Variants in SPATA31C1 observed in about 807,000 individuals in gnomAD.
SPATA31C1 encodes SPATA31 subfamily C member 1.
In SPATA31C1 at chr9:87,922,166, G is replaced by A. The variant is rs1828892631; in HGVS notation, n.2556G>A. On this transcript the variant is annotated non_coding_transcript_exon_variant, in exon 5 of 5. Transcript: ENST00000420021. ...AGCAGTTCCAGAGGGCCCCGCGAGG[G>A]ATCCCATCTTCAAATGATCATGGGT... The A allele has an allele frequency of 2.5e-6, 4 of 1,613,264 alleles. No homozygotes were observed. In the East Asian group the frequency reaches 6.7e-5, roughly 27 times the overall value.
exon 5 of SPATA31C1, chr9:87,921,543 C>G: frequency 6.2e-7 from 1 of 1,611,992 alleles, no homozygotes; most frequent in Non-Finnish European, 8.5e-7. Context: ...AGGGAAGGTT[C>G]TGGGGGCGAC....
In SPATA31C1 at chr9:87,921,421, G is replaced by A. The variant is rs764784701; in HGVS notation, n.1811G>A. 5.6e-6 allele frequency: 9 copies of A among 1,611,670 alleles called. No individual in the cohort carries two copies. In the African/African-American group the frequency reaches 9.4e-5, roughly 17 times the overall value. On this transcript the variant is annotated non_coding_transcript_exon_variant, in exon 5 of 5. Transcript: ENST00000420021. ...TCCTCCACGTCCACAGGTGAAAGCA[G>A]CAAGGAGGCACAGACGGTGAAGTTC...
exon 3 of SPATA31C1, chr9:87,919,302 G>C: frequency 7.1e-7 from 1 of 1,406,092 alleles, no homozygotes; most frequent in Non-Finnish European, 9.2e-7. Context: ...GTCCAACAGG[G>C]CGGAGGGGGA....
exon 5 of SPATA31C1, chr9:87,922,742 T>G: frequency 6.2e-7 from 1 of 1,606,606 alleles, no homozygotes; most frequent in South Asian, 1.1e-5. Context: ...ACCCAAACTG[T>G]CAAGGCTCAT....
chr9:87,921,237 A>G (rs1174753047), exon 5 of SPATA31C1: 7 of 1,611,970 alleles, frequency 4.3e-6, no homozygotes. Flanking sequence ...ACTGACATCC[A>G]TTCTGCCTGA....
chr9:87,915,613 T>C (rs1421553131), intron 1 of SPATA31C1, among the ~76,000 whole-genome samples: 7 of 145,564 alleles, frequency 4.8e-5, no homozygotes, highest in African/African-American at 1.8e-4. Context: ...TCCTTTTTTT[T>C]TTAATAAAGA....
intron 1 of SPATA31C1, among the ~76,000 whole-genome samples, chr9:87,916,353 C>T (rs1828718285): frequency 6.8e-6 from 1 of 146,880 alleles, no homozygotes; most frequent in East Asian, 2.1e-4. Flanking sequence ...AGACATGACA[C>T]CAGAAAAGCA....
At chr9:87,921,128 G>T in exon 5 of SPATA31C1, 1 of 1,611,792 alleles carries the variant, frequency 6.2e-7, no homozygotes, top group Non-Finnish European at 8.5e-7. Context: ...AAAGGCCTTT[G>T]TTGAGGAAAC....
exon 5 of SPATA31C1, chr9:87,920,798 G>C (rs1828836849): frequency 1.2e-6 from 2 of 1,613,796 alleles, no homozygotes; most frequent in Non-Finnish European, 8.5e-7. Context: ...GGTCGCAGGA[G>C]ACTACCAAAA....
At chr9:87,921,781 T>C (rs1444372277) in exon 5 of SPATA31C1, 7 of 1,611,890 alleles carry the variant, frequency 4.3e-6, no homozygotes, top group Non-Finnish European at 5.9e-6. Context: ...ACCAGCAATC[T>C]AGCAGCCCCG....
exon 5 of SPATA31C1, chr9:87,921,925 A>T (rs1293699960): frequency 8.1e-6 from 13 of 1,611,946 alleles, no homozygotes; most frequent in Admixed American, 1.7e-5. Context: ...AGGGTCCTCA[A>T]GCCCATTCAG....
intron 2 of SPATA31C1, chr9:87,919,023 G>T (rs957329761): frequency 1.8e-5 from 10 of 545,688 alleles, no homozygotes; most frequent in South Asian, 8.5e-5. Context: ...ACCTGCCTCG[G>T]CCTCCCAAAG....
rs142470040 is a variant in SPATA31C1 at position 87,920,359 on chromosome 9, A to G, written n.749A>G. 1,177 of 1,613,932 alleles carry G rather than the reference A, an allele frequency of 7.3e-4. 10 individuals carry two copies. The African/African-American group carries it at 0.014, about 20-fold the overall frequency. ...CCTGATGGAGCCTCCCGGTCCTCTC[A>G]TGAGCCTATGGAAGATGCTGCTCCC... On this transcript the variant is annotated non_coding_transcript_exon_variant, in exon 5 of 5. Transcript: ENST00000420021.
chr9:87,921,819 G>T, exon 5 of SPATA31C1: 1 of 1,612,060 alleles, frequency 6.2e-7, no homozygotes, highest in South Asian at 1.1e-5. Context: ...TGTAAACACA[G>T]CCCAGGTGCT....
chr9:87,921,847 G>A lies in SPATA31C1; in HGVS notation n.2237G>A, dbSNP rs1828880553. On this transcript the variant is annotated non_coding_transcript_exon_variant, in exon 5 of 5. Coordinates refer to ENST00000420021, the Ensembl canonical transcript of SPATA31C1. ...CAGGTGCTTTCCTTCCTTGAGCTGT[G>A]TACTCAGCAGGTGCTGGAAGCCCAT... The A allele has an allele frequency of 2.5e-6, 4 of 1,612,064 alleles. No homozygotes were observed. In the South Asian group the frequency reaches 3.3e-5, roughly 13 times the overall value.
chr9:87,917,086 T>G (rs1828747010), intron 1 of SPATA31C1, among the ~76,000 whole-genome samples: 1 of 136,774 alleles, frequency 7.3e-6, no homozygotes, highest in African/African-American at 2.6e-5. Context: ...AAAAAAATCT[T>G]AATTGTATGT....
chr9:87,921,058 C>A (rs780912714), exon 5 of SPATA31C1: 2 of 1,611,514 alleles, frequency 1.2e-6, no homozygotes, highest in South Asian at 2.2e-5. Flanking sequence ...ACTGGAGTAG[C>A]TTGCCCTGCG....
rs1828895501 is a variant in SPATA31C1 at position 87,922,285 on chromosome 9, T to TA, written n.2676dup. The TA allele has an allele frequency of 1.9e-6, 3 of 1,612,086 alleles. No individual in the cohort carries two copies. In the African/African-American group the frequency reaches 4.0e-5, roughly 22 times the overall value. ...GGCAGCACCCAGCAGAGCAGGAGCT[T>TA]AGGAGCCCAATCTTCAAGGGCTGGA... is the stretch of plus-strand genomic sequence containing the variant. On this transcript the variant is annotated non_coding_transcript_exon_variant, in exon 5 of 5. Transcript: ENST00000420021.
chr9:87,922,499 A>C (rs1564141159), exon 5 of SPATA31C1: 1 of 1,610,704 alleles, frequency 6.2e-7, no homozygotes, highest in South Asian at 1.1e-5. Flanking sequence ...CTGTTAGTGA[A>C]TTTGAGCCTG....
Sources: allele counts gnomAD v4.1 joint callset (sites outside exome capture counted in the v4.1 genomes callset), GRCh38; gene constraint gnomAD v4.1.1; transcripts MANE v1.5; gene names NCBI Gene and HGNC (gene_info 2026-07-23, HGNC 2026-07-21).